The following VWA8 variants were observed in gnomAD, a reference collection of about 807,000 sequenced individuals.
VWA8 encodes von Willebrand factor A domain containing 8, also known as von Willebrand factor A domain-containing protein 8.
In VWA8, 221 loss-of-function variants were observed where a neutral mutation model predicts 241.5. The ratio of observed to expected loss-of-function variants is 0.91; its 90% CI spans 0.82 to 1.02. The LOEUF (loss-of-function observed/expected upper bound fraction) is 1.02, where lower values mean the gene tolerates loss of function less well. VWA8 is among the 50% of genes least tolerant of loss of function. The pLI is 0.00. For missense variants in VWA8, 2,322 were observed against 2,328.7 expected, an observed-to-expected ratio of 1.00 and a Z score of 0.06; for synonymous variants, 852 against 827.1, an observed-to-expected ratio of 1.03 and a Z score of -0.52.
rs2045370808 is a variant in VWA8 at position 41,719,730 on chromosome 13, C to T, written c.2977G>A (p.Glu993Lys). The stretch of plus-strand genomic sequence containing the variant: ...TTTCGAACTACACTGGAGAGACCTT[C>T]AGTCGGAAATTTCTGTATTAAAAAA... Reference protein sequence around the residue: ...IVKHLQKFPTEGLSSVVRNVF... With the variant: ...IVKHLQKFPTKGLSSVVRNVF... The change falls in exon 26 of 45, where the codon GAA (glutamate) becomes AAA (lysine). Residue 993 changes from glutamate to lysine, a missense_variant. Physicochemically the swap from Glu to Lys is moderately conservative, Grantham distance 56. Coordinates refer to ENST00000379310, the MANE Select transcript of VWA8 (RefSeq NM_015058.2). The T allele has an allele frequency of 6.2e-7, 1 of 1,606,300 alleles. No homozygotes were observed. The highest frequency in any genetic ancestry group is 1.7e-5 in the Admixed American group (1 of 58,122).
chr13:41,781,739 A>G (rs1465310940), intron 19 of VWA8, among the ~76,000 whole-genome samples: 1 of 152,228 alleles, frequency 6.6e-6, no homozygotes, highest in Non-Finnish European at 1.5e-5. Context: ...AATACTCTTT[A>G]TCAAGAACAT....
At chr13:41,888,369 T>C (rs1027080345) in intron 5 of VWA8, among the ~76,000 whole-genome samples, 7 of 152,214 alleles carry the variant, frequency 4.6e-5, no homozygotes, top group Admixed American at 4.6e-4. Context: ...ACTCTTAAGA[T>C]GGCACTTAAG....
chr13:41,896,263 T>C (rs928415363), intron 4 of VWA8, among the ~76,000 whole-genome samples: 8 of 152,032 alleles, frequency 5.3e-5, no homozygotes, highest in Non-Finnish European at 1.2e-4. Context: ...TTAATAAAAA[T>C]GATTAAACAT....
chr13:41,581,592 C>T (rs1449706866), intron 42 of VWA8, among the ~76,000 whole-genome samples: 2 of 152,308 alleles, frequency 1.3e-5, no homozygotes, highest in Admixed American at 1.3e-4. Flanking sequence ...TCACTGCCCC[C>T]CTCCACTGCC....
At chr13:41,895,242 C>A (rs1289698799) in intron 4 of VWA8, among the ~76,000 whole-genome samples, 1 of 152,178 alleles carries the variant, frequency 6.6e-6, no homozygotes. Context: ...CTCTGAGGTA[C>A]ACAATATTTT....
intron 39 of VWA8, among the ~76,000 whole-genome samples, chr13:41,611,254 C>T (rs1023679728): frequency 5.3e-5 from 8 of 152,244 alleles, no homozygotes; most frequent in Non-Finnish European, 1.2e-4. Context: ...GTCCTGTCTC[C>T]GCACTAATCT....
At chr13:41,960,174 A>G (rs980091353) in intron 1 of VWA8, among the ~76,000 whole-genome samples, 1 of 152,240 alleles carries the variant, frequency 6.6e-6, no homozygotes, top group Non-Finnish European at 1.5e-5. Context: ...GAGCTTAGAA[A>G]TCAAAGCATG....
rs540154265 is a variant in VWA8, at chr13:41,951,182, C to T, written c.164-1169G>A. On this transcript the variant is annotated intron_variant, in intron 1 of 44. Transcript: ENST00000379310. ...CTGTAATCCTAGCACTTTGGGAGGC[C>T]AAGGCAGGCGGATCACTTGAGGTCA... 5.3e-5 allele frequency among the ~76,000 whole-genome samples: 8 copies of T among 152,054 alleles called. No homozygotes were observed. In the South Asian group the frequency reaches 1.7e-3, roughly 32 times the overall value.
At chr13:41,812,065 A>ATTTG (rs1013971287) in intron 16 of VWA8, among the ~76,000 whole-genome samples, 9 of 152,052 alleles carry the variant, frequency 5.9e-5, no homozygotes, top group Non-Finnish European at 1.2e-4. Context: ...AAATTACTTA[A>ATTTG]CCTTTCCAAG....
intron 17 of VWA8, among the ~76,000 whole-genome samples, chr13:41,800,954 C>T (rs1459349583): frequency 2.0e-5 from 3 of 151,996 alleles, no homozygotes; most frequent in African/African-American, 4.8e-5. Flanking sequence ...AAATGCGTCC[C>T]TTAATTTTTC....
intron 1 of VWA8, among the ~76,000 whole-genome samples, chr13:41,952,887 G>A (rs1374709460): frequency 6.6e-6 from 1 of 152,112 alleles, no homozygotes; most frequent in Non-Finnish European, 1.5e-5. Context: ...AGATGGTGCA[G>A]TATCCTAGGA....
At position 41,664,358 on chromosome 13, in the gene VWA8, G is replaced by A. The variant is rs35764612; in HGVS notation, c.4611+6588C>T. On this transcript the variant is annotated intron_variant, in intron 37 of 44. Coordinates refer to ENST00000379310, the MANE Select transcript of VWA8 (RefSeq NM_015058.2). ...TATCGGCTTTATTTCTTTATCCATGGGGTTCTAAAATTTCAAGTGGACATG... is the reference window on the plus strand; with the variant it reads ...TATCGGCTTTATTTCTTTATCCATGAGGTTCTAAAATTTCAAGTGGACATG... Among the ~76,000 whole-genome samples, 993 of 150,056 alleles carry A rather than the reference G, an allele frequency of 6.6e-3. 6 individuals are homozygous for A. Among genetic ancestry groups the A allele is most frequent in the South Asian group, 0.016 (74 of 4,728 alleles).
chr13:41,702,914 G>C (rs1210595921), intron 27 of VWA8, among the ~76,000 whole-genome samples: 1 of 152,118 alleles, frequency 6.6e-6, no homozygotes, highest in African/African-American at 2.4e-5. Context: ...GAAATACCTA[G>C]AGGGACTTCT....
intron 37 of VWA8, among the ~76,000 whole-genome samples, chr13:41,624,367 A>G (rs1322120685): frequency 6.6e-6 from 1 of 152,164 alleles, no homozygotes; most frequent in Non-Finnish European, 1.5e-5. Flanking sequence ...TAGAGACACA[A>G]TGAAAAAAGA....
Position 41,590,667 on chromosome 13 carries a change from G to A in VWA8, c.5085C>T (p.Tyr1695=), listed in dbSNP as rs751291256. 1.2e-6 allele frequency: 2 copies of A among 1,613,978 alleles called. No individual in the cohort carries two copies. Among genetic ancestry groups the A allele is most frequent in the Non-Finnish European group, 1.7e-6 (2 of 1,180,014 alleles). ...GTGGCTCCAGCTCACCCCGACGTTT[G>A]TAGATGGCTTTTTCTCCAGTCAGCC... ...IDGLTGEKAI[Y]KRRGELEPQL... is the part of the protein sequence containing the mutation. The change falls in exon 41 of 45, where the codon TAC becomes TAT. Residue 1695 remains tyrosine, a synonymous_variant. Transcript: ENST00000379310.
In VWA8 at chr13:41,783,901, C is replaced by T. The variant is rs1869017529; in HGVS notation, c.2171G>A (p.Cys724Tyr). 6.2e-7 allele frequency: 1 copy of T among 1,611,736 alleles called. No homozygotes were observed. Among genetic ancestry groups the T allele is most frequent in the South Asian group, 1.1e-5 (1 of 90,946 alleles). Residue 724 changes from cysteine (C) to tyrosine (Y), a missense_variant and splice_region_variant, in exon 19 of 45, where the codon TGT (cysteine) becomes TAT (tyrosine). Coordinates refer to ENST00000379310, the MANE Select transcript of VWA8 (RefSeq NM_015058.2). Reference sequence around the variant, plus strand: ...CCTCAGAGTTCCAGATGTTACTTCACCTAAACATTTCACACAGGACGGATA... The same window carrying T: ...CCTCAGAGTTCCAGATGTTACTTCATCTAAACATTTCACACAGGACGGATA... ...NLEPELKDYK[C>Y]EVTSGTLRIG...
intron 21 of VWA8, among the ~76,000 whole-genome samples, chr13:41,743,254 C>A (rs118108574): frequency 1.1e-3 from 174 of 152,288 alleles, no homozygotes; most frequent in Non-Finnish European, 1.9e-3. Flanking sequence ...AAGGAGAGAT[C>A]AGAGGCTGAG....
chr13:41,863,345 T>C lies in VWA8; in HGVS notation c.1425+2391A>G, dbSNP rs146306719. ...ACCTTGTGATGGTGTAAGTTAGTAC[T>C]TAATAAACTCCTCTTTATATATATA... is the stretch of plus-strand genomic sequence containing the variant. On this transcript the variant is annotated intron_variant, in intron 12 of 44. Transcript: ENST00000379310. 1.4e-3 allele frequency among the ~76,000 whole-genome samples: 211 copies of C among 148,938 alleles called. 10 individuals are homozygous for C. Among genetic ancestry groups the C allele is most frequent in the African/African-American group, 5.0e-3 (198 of 39,788 alleles).
chr13:41,658,323 T>C (rs1196469526), intron 37 of VWA8, among the ~76,000 whole-genome samples: 1 of 152,228 alleles, frequency 6.6e-6, no homozygotes, highest in Non-Finnish European at 1.5e-5. Context: ...CTATGCATGT[T>C]TCTAAAAACA....
Sources: allele counts gnomAD v4.1 joint callset (sites outside exome capture counted in the v4.1 genomes callset), GRCh38; gene constraint gnomAD v4.1.1; transcripts MANE v1.5; gene names NCBI Gene and HGNC (gene_info 2026-07-23, HGNC 2026-07-21).